The following CNTNAP2 variants were observed in gnomAD, a reference collection of about 807,000 sequenced individuals.
CNTNAP2 encodes contactin associated protein 2.
A neutral mutation model predicts 155.2 loss-of-function variants in CNTNAP2; 98 were observed. The ratio of observed to expected loss-of-function variants is 0.63; its 90% CI spans 0.54 to 0.75. CNTNAP2 has a LOEUF of 0.75. CNTNAP2 is among the 30% of genes least tolerant of loss of function. The pLI is 0.00. For missense variants in CNTNAP2, 1,727 were observed against 1,688.1 expected, an observed-to-expected ratio of 1.02 and a Z score of -0.40; for synonymous variants, 651 against 631.2, an observed-to-expected ratio of 1.03 and a Z score of -0.47.
intron 8 of CNTNAP2, among the ~76,000 whole-genome samples, chr7:147,220,222 A>C (rs1448530176): frequency 6.6e-6 from 1 of 152,136 alleles, no homozygotes; most frequent in African/African-American, 2.4e-5. Context: ...TATCAATATG[A>C]GATTTTCCTC....
chr7:146,482,055 A>C (rs1796967157), intron 1 of CNTNAP2, among the ~76,000 whole-genome samples: 1 of 152,166 alleles, frequency 6.6e-6, no homozygotes, highest in African/African-American at 2.4e-5. Flanking sequence ...AATAAAAAAT[A>C]ATGATAACTT....
chr7:147,292,875 T>C (rs1805344963), intron 8 of CNTNAP2, among the ~76,000 whole-genome samples: 1 of 152,206 alleles, frequency 6.6e-6, no homozygotes, highest in African/African-American at 2.4e-5. Flanking sequence ...GTTCAGGTGA[T>C]TCTCCTGCCT....
At chr7:146,267,477 T>G (rs1584836969) in intron 1 of CNTNAP2, among the ~76,000 whole-genome samples, 2 of 152,162 alleles carry the variant, frequency 1.3e-5, no homozygotes, top group East Asian at 3.9e-4. Flanking sequence ...ATGGACTGAA[T>G]GTTTGTGTCC....
chr7:147,722,591 T>C (rs11768363), intron 13 of CNTNAP2, among the ~76,000 whole-genome samples: 80,807 of 151,866 alleles, frequency 0.53, 23,919 homozygotes, highest in East Asian at 0.83. Flanking sequence ...TTTCAATGAC[T>C]TCTCTTCCAG....
At chr7:146,867,781 C>CTTTT (rs1457866004) in intron 3 of CNTNAP2, among the ~76,000 whole-genome samples, 1 of 150,734 alleles carries the variant, frequency 6.6e-6, no homozygotes. Context: ...GTGATAGTGA[C>CTTTT]TTTTTTTTTT....
chr7:147,585,368 C>T (rs28522874), intron 12 of CNTNAP2, among the ~76,000 whole-genome samples: 18,260 of 150,042 alleles, frequency 0.12, 2,798 homozygotes, highest in African/African-American at 0.36. Context: ...AATAAAATAA[C>T]TGGTGAGTTA....
chr7:146,857,249 A>T (rs919667784), intron 3 of CNTNAP2, among the ~76,000 whole-genome samples: 1 of 152,118 alleles, frequency 6.6e-6, no homozygotes, highest in East Asian at 1.9e-4. Context: ...GATAAACCAC[A>T]TAGCACAGAG....
chr7:146,894,691 C>A (rs1440645034), intron 3 of CNTNAP2, among the ~76,000 whole-genome samples: 3 of 152,092 alleles, frequency 2.0e-5, no homozygotes, highest in African/African-American at 7.2e-5. Context: ...TCTGTAAGAA[C>A]AGATAGTGTA....
intron 22 of CNTNAP2, among the ~76,000 whole-genome samples, chr7:148,400,103 C>A (rs73155905): frequency 0.023 from 3,560 of 152,230 alleles, 62 homozygotes; most frequent in Middle Eastern, 0.044. Flanking sequence ...TGCTCTCCCC[C>A]AAAGGCATCT....
intron 23 of CNTNAP2, among the ~76,000 whole-genome samples, chr7:148,413,419 T>A (rs866999999): frequency 0.24 from 12,828 of 54,374 alleles, 2,949 homozygotes; most frequent in African/African-American, 0.34. Context: ...TATATATATA[T>A]ATATATATAT....
At chr7:146,204,511 CAG>C (rs1406048919) in intron 1 of CNTNAP2, among the ~76,000 whole-genome samples, 3 of 151,926 alleles carry the variant, frequency 2.0e-5, no homozygotes, top group Non-Finnish European at 4.4e-5. Flanking sequence ...AGTTTACAAA[CAG>C]AAACAACAGT....
chr7:147,225,200 A>G (rs754506141), intron 8 of CNTNAP2, among the ~76,000 whole-genome samples: 3 of 152,224 alleles, frequency 2.0e-5, no homozygotes, highest in Non-Finnish European at 4.4e-5. Context: ...TGCTCACTAT[A>G]AAGTACAACT....
chr7:146,954,150 C>T (rs761663010), intron 3 of CNTNAP2, among the ~76,000 whole-genome samples: 1 of 151,854 alleles, frequency 6.6e-6, no homozygotes, highest in East Asian at 1.9e-4. Context: ...CATTTATATG[C>T]CTTTGCAATA....
chr7:146,881,715 A>G lies in CNTNAP2; in HGVS notation c.402+41811A>G, dbSNP rs1222445716. Among the ~76,000 whole-genome samples, 7 of 149,062 alleles carry G rather than the reference A, an allele frequency of 4.7e-5. No individual in the cohort carries two copies. In the East Asian group the frequency reaches 1.4e-3, roughly 30 times the overall value. ...TATACAAGTTTTACCCCCAAGAGTT[A>G]TGATCTCTGTCACTTGTGCTTGGTG... On this transcript the variant is annotated intron_variant, in intron 3 of 23. Coordinates refer to ENST00000361727, the MANE Select transcript of CNTNAP2 (RefSeq NM_014141.6).
At chr7:147,489,508 G>T (rs991477500) in intron 11 of CNTNAP2, among the ~76,000 whole-genome samples, 5 of 152,130 alleles carry the variant, frequency 3.3e-5, no homozygotes, top group Non-Finnish European at 7.4e-5. Flanking sequence ...CTGAATAGTA[G>T]CATATCTGAA....
chr7:147,641,194 T>A (rs1236978165), intron 13 of CNTNAP2, among the ~76,000 whole-genome samples: 3 of 145,822 alleles, frequency 2.1e-5, no homozygotes, highest in Non-Finnish European at 4.4e-5. Flanking sequence ...CCTTTTCCCC[T>A]CTATGTGTCT....
chr7:147,110,486 T>C (rs1181089349), intron 5 of CNTNAP2, among the ~76,000 whole-genome samples: 1 of 152,164 alleles, frequency 6.6e-6, no homozygotes, highest in East Asian at 1.9e-4. Flanking sequence ...GTATTAAGGC[T>C]GGCATCCATT....
chr7:146,453,383 G>T (rs1047630646), intron 1 of CNTNAP2, among the ~76,000 whole-genome samples: 3 of 152,172 alleles, frequency 2.0e-5, no homozygotes, highest in African/African-American at 7.2e-5. Flanking sequence ...TACACTAAAT[G>T]CTGCTCTGAT....
At position 148,415,607 on chromosome 7, in the gene CNTNAP2, G is replaced by A; in HGVS notation, c.3987G>A (p.Trp1329Ter). Reference sequence around the variant, plus strand: ...CCATTGATGAAAGCAAAAAGGAATGGCTCATTTGAGGGGTGGCTACTTGGC... The same window carrying A: ...CCATTGATGAAAGCAAAAAGGAATGACTCATTTGAGGGGTGGCTACTTGGC... ...TETIDESKKE[W>*]LI Residue 1329 changes from tryptophan to a stop codon, truncating the protein, a stop_gained, in exon 24 of 24, where the codon TGG becomes TGA. Transcript: ENST00000361727. LOFTEE classifies it high-confidence loss of function. 2 of 1,614,158 alleles carry A rather than the reference G, an allele frequency of 1.2e-6. No homozygotes were observed. Among genetic ancestry groups the A allele is most frequent in the Non-Finnish European group, 1.7e-6 (2 of 1,180,016 alleles).
Sources: allele counts gnomAD v4.1 joint callset (sites outside exome capture counted in the v4.1 genomes callset), GRCh38; gene constraint gnomAD v4.1.1; transcripts MANE v1.5; gene names NCBI Gene and HGNC (gene_info 2026-07-23, HGNC 2026-07-21).